Variants in MED12L observed in about 807,000 individuals in gnomAD.
MED12L encodes mediator of RNA polymerase II transcription subunit 12-like protein.
In MED12L, 60 loss-of-function variants were observed where a neutral mutation model predicts 281.3. The observed-to-expected ratio is 0.21, with a 90% confidence interval of 0.17 to 0.26. MED12L has a LOEUF of 0.26. Among genes scored for constraint, MED12L ranks in the 10% least tolerant of loss-of-function variants. MED12L has a pLI of 1.00. For synonymous variants in MED12L, 974 were observed against 987.2 expected (o/e 0.99, Z 0.25); for missense variants, 2,146 against 2,680.9 (o/e 0.80, Z 4.41).
At chr3:151,384,886 GTAGAACA>G in intron 35 of MED12L, 137 bp from the exon 36 acceptor site, 1 of 636,180 alleles carries the variant, frequency 1.6e-6, no homozygotes, top group Non-Finnish European at 2.8e-6. Context: ...GAACTGCCTT[GTAGAACA>G]TGTTCAGGGT....
chr3:151,246,602 C>T (rs1383994649), intron 16 of MED12L, among the ~76,000 whole-genome samples: 2 of 152,140 alleles, frequency 1.3e-5, no homozygotes, highest in Non-Finnish European at 2.9e-5. Flanking sequence ...CTTTCTTACA[C>T]CTTATACAAA....
chr3:151,248,733 A>G (rs1347958731), intron 16 of MED12L: 1 of 152,202 alleles, frequency 6.6e-6, no homozygotes, highest in Non-Finnish European at 1.5e-5. Context: ...AAAGTCTTGC[A>G]TAGCCTATAA....
intron 16 of MED12L, chr3:151,328,091 T>C: frequency 6.2e-7 from 1 of 1,609,848 alleles, no homozygotes; most frequent in Non-Finnish European, 8.5e-7. Context: ...TGTGAATTTT[T>C]TACATAAGAA....
In MED12L at chr3:151,372,658, T is replaced by C. The variant is rs1440511297; in HGVS notation, c.3756T>C (p.Asp1252=). ...RGLRCDGNAD[D]IWTASQNPKS... ...TGCGATGTGATGGGAATGCTGATGA[T>C]ATCTGGACTGCCTCACAAAATCCAA... is the stretch of plus-strand genomic sequence containing the variant. Residue 1252 remains aspartate, a synonymous_variant, in exon 27 of 45, where the codon GAT becomes GAC. Coordinates refer to ENST00000687756, the MANE Select transcript of MED12L (RefSeq NM_001393769.1). The C allele has an allele frequency of 1.2e-6, 2 of 1,613,788 alleles. No individual in the cohort carries two copies. The highest frequency in any genetic ancestry group is 1.7e-6 in the Non-Finnish European group (2 of 1,179,814).
At chr3:151,303,404 T>C (rs1746209746) in intron 16 of MED12L, among the ~76,000 whole-genome samples, 1 of 152,018 alleles carries the variant, frequency 6.6e-6, no homozygotes, top group Non-Finnish European at 1.5e-5. Flanking sequence ...GTGATGTCTA[T>C]CTAAGGCCAA....
At position 151,160,114 on chromosome 3, in the gene MED12L, C is replaced by G; in HGVS notation, c.1107+13C>G. ...TTGTATGTTGCAGGTAAGTCCTTGG[C>G]CCTTGTTATTTTATGTTAAAATTCA... On this transcript the variant is annotated intron_variant, in intron 8 of 44. Transcript: ENST00000687756. 6.6e-7 allele frequency: 1 copy of G among 1,505,612 alleles called. No homozygotes were observed. The highest frequency in any genetic ancestry group is 8.9e-7 in the Non-Finnish European group (1 of 1,123,164). 93.3% of individuals were successfully genotyped at this position (1,505,612 alleles called of 1,614,324 possible).
chr3:151,417,117 A>G (rs944804021), intron 43 of MED12L, among the ~76,000 whole-genome samples: 1 of 152,230 alleles, frequency 6.6e-6, no homozygotes, highest in African/African-American at 2.4e-5. Flanking sequence ...TATTGGAAAT[A>G]TCTGTGAAAG....
At chr3:151,348,685 A>G (rs1752868929) in intron 16 of MED12L, among the ~76,000 whole-genome samples, 1 of 152,098 alleles carries the variant, frequency 6.6e-6, no homozygotes. Context: ...TGTAATGTAT[A>G]ATAAAAAAGG....
At chr3:151,400,098 A>G (rs1715484640) in intron 39 of MED12L, among the ~76,000 whole-genome samples, 1 of 151,916 alleles carries the variant, frequency 6.6e-6, no homozygotes, top group South Asian at 2.1e-4. Flanking sequence ...TAGTGCTGGG[A>G]TTATAGGCGC....
At chr3:151,102,017 G>A (rs1486711784) in intron 2 of MED12L, among the ~76,000 whole-genome samples, 1 of 152,262 alleles carries the variant, frequency 6.6e-6, no homozygotes, top group African/African-American at 2.4e-5. Flanking sequence ...GAGTGACACA[G>A]TTTTGTACTC....
At chr3:151,304,772 A>G (rs1309358891) in intron 16 of MED12L, among the ~76,000 whole-genome samples, 2 of 152,140 alleles carry the variant, frequency 1.3e-5, no homozygotes, top group Non-Finnish European at 2.9e-5. Flanking sequence ...CTCATCCATT[A>G]TAGGTTGACT....
intron 16 of MED12L, among the ~76,000 whole-genome samples, chr3:151,211,364 T>C (rs1195141272): frequency 2.7e-5 from 4 of 147,518 alleles, no homozygotes; most frequent in Non-Finnish European, 4.4e-5. Flanking sequence ...AAACACTGCC[T>C]TTGTTTTTTT....
intron 27 of MED12L, among the ~76,000 whole-genome samples, chr3:151,373,338 T>C (rs923938821): frequency 4.6e-5 from 7 of 152,194 alleles, no homozygotes; most frequent in Non-Finnish European, 1.0e-4. Flanking sequence ...AAGGGTGATG[T>C]TAATTTTGAT....
intron 39 of MED12L, among the ~76,000 whole-genome samples, chr3:151,395,955 A>T (rs1248130697): frequency 6.6e-6 from 1 of 152,212 alleles, no homozygotes; most frequent in Non-Finnish European, 1.5e-5. Flanking sequence ...TGGCAAGGTT[A>T]GTCATTATAA....
intron 16 of MED12L, among the ~76,000 whole-genome samples, chr3:151,257,681 TA>T (rs1738084101): frequency 1.3e-5 from 2 of 152,378 alleles, no homozygotes; most frequent in South Asian, 4.1e-4. Context: ...TGGGCTTTCA[TA>T]CCATCTTCAA....
At chr3:151,228,328 A>G (rs1330705060) in intron 16 of MED12L, among the ~76,000 whole-genome samples, 1 of 152,190 alleles carries the variant, frequency 6.6e-6, no homozygotes, top group African/African-American at 2.4e-5. Flanking sequence ...CCTCAGCTAC[A>G]TCTAGGGTTC....
At chr3:151,309,140 C>T (rs765767285) in intron 16 of MED12L, among the ~76,000 whole-genome samples, 11 of 109,136 alleles carry the variant, frequency 1.0e-4, no homozygotes, top group Admixed American at 5.1e-4. Flanking sequence ...CACACACACA[C>T]GCACACACAC....
intron 16 of MED12L, among the ~76,000 whole-genome samples, chr3:151,216,678 G>A (rs1576998754): frequency 6.6e-6 from 1 of 152,046 alleles, no homozygotes; most frequent in East Asian, 1.9e-4. Context: ...CTTCCCTGTA[G>A]CCTTGTGTGC....
intron 16 of MED12L, among the ~76,000 whole-genome samples, chr3:151,331,886 C>T (rs1053062649): frequency 1.4e-4 from 22 of 152,252 alleles, no homozygotes; most frequent in Non-Finnish European, 2.2e-4. Flanking sequence ...CCAAATCTGC[C>T]GTAAAGTCAC....
Sources: gnomAD v4.1 joint callset for allele counts (sites outside exome capture counted in the v4.1 genomes callset) on GRCh38, gnomAD v4.1.1 for gene constraint, MANE v1.5 for transcripts, NCBI Gene and HGNC (gene_info 2026-07-23, HGNC 2026-07-21) for gene names.